Variants in BIRC6 observed in about 807,000 individuals in gnomAD.
BIRC6 encodes the protein baculoviral IAP repeat containing 6.
A neutral mutation model predicts 503.3 loss-of-function variants in BIRC6; 98 were observed. The observed-to-expected ratio is 0.19, with a 90% confidence interval of 0.17 to 0.23. The LOEUF is 0.23. Ranked by LOEUF, BIRC6 falls within the 10% of genes least tolerant of loss-of-function variation. The probability of loss-of-function intolerance (pLI) is 1.00; values close to 1 mark genes in which losing one functional copy is unlikely to be tolerated. For missense variants in BIRC6, 5,360 were observed against 5,806.0 expected (o/e 0.92, Z 2.50); for synonymous variants, 2,240 against 2,078.7 (o/e 1.08, Z -2.11).
chr2:32,460,253 T>TATAG (rs1400654235), intron 23 of BIRC6, among the ~76,000 whole-genome samples: 1 of 27,818 alleles, frequency 3.6e-5, no homozygotes, highest in Non-Finnish European at 7.3e-5. Context: ...ATGATATATA[T>TATAG]ATATATATAT....
At chr2:32,444,031 G>GTTTTTTTTTTTTTTTTTTTTTTTTTTTTT (rs776568064) in intron 20 of BIRC6, among the ~76,000 whole-genome samples, 1 of 136,884 alleles carries the variant, frequency 7.3e-6, no homozygotes, top group African/African-American at 2.8e-5. Context: ...GGGACCAGTG[G>GTTTTTTTTTTTTTTTTTTTTTTTTTTTTT]TTTTTTTTTT....
intron 36 of BIRC6, 144 bp downstream of exon 36, chr2:32,478,962 A>G: frequency 1.4e-6 from 1 of 734,140 alleles, no homozygotes; most frequent in Non-Finnish European, 2.2e-6. Context: ...GTGATGTTAT[A>G]GCAGTAGCAA....
At chr2:32,495,605 T>G (rs1189425945) in intron 45 of BIRC6, among the ~76,000 whole-genome samples, 1 of 152,192 alleles carries the variant, frequency 6.6e-6, no homozygotes, top group Admixed American at 6.5e-5. Flanking sequence ...AAGCAGAAGT[T>G]TTAAAATTCT....
intron 66 of BIRC6, among the ~76,000 whole-genome samples, chr2:32,582,839 T>C (rs2060773572): frequency 6.6e-6 from 1 of 152,218 alleles, no homozygotes; most frequent in Admixed American, 6.5e-5. Context: ...GATTTTCTTT[T>C]ATGTCTTGTA....
intron 61 of BIRC6, chr2:32,532,309 T>G: frequency 2.1e-6 from 1 of 471,374 alleles, no homozygotes; most frequent in Non-Finnish European, 4.4e-6. Context: ...AATCAAGATA[T>G]CAGCAGGGCC....
intron 65 of BIRC6, among the ~76,000 whole-genome samples, chr2:32,569,032 G>A (rs1211509946): frequency 1.4e-5 from 2 of 144,194 alleles, no homozygotes; most frequent in Admixed American, 7.2e-5. Flanking sequence ...TGCTCAGGCT[G>A]GAGTGCAAGT....
intron 3 of BIRC6, among the ~76,000 whole-genome samples, chr2:32,387,788 A>G (rs959499420): frequency 6.6e-6 from 1 of 152,208 alleles, no homozygotes; most frequent in Non-Finnish European, 1.5e-5. Flanking sequence ...GTACTGGATG[A>G]ATAGGAAAAA....
intron 57 of BIRC6, among the ~76,000 whole-genome samples, chr2:32,519,463 A>G (rs929638203): frequency 6.6e-6 from 1 of 152,140 alleles, no homozygotes; most frequent in Non-Finnish European, 1.5e-5. Context: ...CATATGGGAT[A>G]GTTTTTTAAA....
chr2:32,517,632 G>A (rs1292301112), intron 55 of BIRC6, among the ~76,000 whole-genome samples: 4 of 152,136 alleles, frequency 2.6e-5, no homozygotes, highest in African/African-American at 9.7e-5. Context: ...CTGTAGTGCA[G>A]TTGCACAATC....
At chr2:32,405,699 A>G (rs1292642965) in intron 8 of BIRC6, among the ~76,000 whole-genome samples, 1 of 152,186 alleles carries the variant, frequency 6.6e-6, no homozygotes, top group African/African-American at 2.4e-5. Context: ...AAAACAAAAT[A>G]CAGAACAAAA....
chr2:32,424,657 C>T (rs2043289381), intron 10 of BIRC6, among the ~76,000 whole-genome samples: 2 of 151,848 alleles, frequency 1.3e-5, no homozygotes, highest in South Asian at 2.1e-4. Context: ...TGGGATTAGG[C>T]ACGCACCACC....
At position 32,597,418 on chromosome 2, in the gene BIRC6, A is replaced by C. The variant is rs183605698; in HGVS notation, c.13613-333A>C. 1.4e-4 allele frequency among the ~76,000 whole-genome samples: 22 copies of C among 152,296 alleles called. No individual in the cohort carries two copies. The East Asian group carries it at 4.0e-3, about 28-fold the overall frequency. ...AATCATTTATTTAATGAAATCTTTG[A>C]GTTAATAGACCCTGTCCTCTATATG... On this transcript the variant is annotated intron_variant, in intron 68 of 73. Transcript: ENST00000421745.
chr2:32,370,879 C>T (rs1021947096), intron 1 of BIRC6, among the ~76,000 whole-genome samples: 6 of 152,002 alleles, frequency 3.9e-5, no homozygotes, highest in Non-Finnish European at 7.4e-5. Context: ...TGGAGTTTTA[C>T]AGTGTATTGT....
Position 32,357,446 on chromosome 2 carries a change from C to T in BIRC6, c.285C>T (p.Asp95=). The stretch of plus-strand genomic sequence containing the variant: ...GCCGCGGGACCATCAAAGTCATCGA[C>T]GGCACCTCGGGGGCCACACTGCAGG... The part of the protein sequence containing the change: ...VTSRGTIKVI[D]GTSGATLQAS... Residue 95 remains aspartate, a synonymous_variant, in exon 1 of 74, where the codon GAC becomes GAT. Transcript: ENST00000421745. This position sits in a 1 kb window ranked among gnomAD's most constrained non-coding sequence, Gnocchi z 4.9. 1 of 1,550,334 alleles carries T rather than the reference C, an allele frequency of 6.5e-7. No homozygotes were observed. Among genetic ancestry groups the T allele is most frequent in the Non-Finnish European group, 8.7e-7 (1 of 1,147,108 alleles).
chr2:32,587,074 A>G (rs546284134), intron 66 of BIRC6, among the ~76,000 whole-genome samples: 1 of 152,300 alleles, frequency 6.6e-6, no homozygotes, highest in African/African-American at 2.4e-5. Context: ...AGCTGGTTCT[A>G]ATATTTAGGA....
At chr2:32,514,870 A>T (rs2054857555) in intron 54 of BIRC6, 120 bp from the exon 55 acceptor site, 3 of 724,176 alleles carry the variant, frequency 4.1e-6, no homozygotes, top group Middle Eastern at 3.7e-4. Flanking sequence ...ATGTTTTATT[A>T]TTCAATGTCA....
chr2:32,374,566 A>G (rs1245906119), intron 1 of BIRC6, among the ~76,000 whole-genome samples: 2 of 147,950 alleles, frequency 1.4e-5, no homozygotes, highest in East Asian at 2.0e-4. Context: ...TCCGCCTCCC[A>G]GGTTCACGCC....
intron 5 of BIRC6, 76 bp from the exon 6 acceptor site, chr2:32,395,435 T>C (rs1296487245): frequency 5.9e-6 from 7 of 1,191,254 alleles, no homozygotes; most frequent in Admixed American, 4.2e-5. Context: ...TTATGAACTT[T>C]TAAAAATAAC....
chr2:32,415,738 A>C lies in BIRC6; in HGVS notation c.2447A>C (p.Glu816Ala). 6.2e-7 allele frequency: 1 copy of C among 1,613,832 alleles called. No individual in the cohort carries two copies. The highest frequency in any genetic ancestry group is 8.5e-7 in the Non-Finnish European group (1 of 1,179,838). ...DVQTPLIIQP[E>A]QRNVSGGYLV... ...CAGACTCCTTTAATAATTCAGCCTG[A>C]GCAGAGGAATGTTAGTGGTGGATAT... The change falls in exon 10 of 74, where the codon GAG becomes GCG. Residue 816 changes from glutamate (E) to alanine (A), a missense_variant. Physicochemically the swap from Glu to Ala is moderately radical, Grantham distance 107 (BLOSUM62 -1). This residue lies in a region of BIRC6 where 700 missense variants were observed against 739.3 expected (regional missense o/e 0.95). Coordinates refer to ENST00000421745, the MANE Select transcript of BIRC6 (RefSeq NM_016252.4).
Sources: gnomAD v4.1 joint callset for allele counts (sites outside exome capture counted in the v4.1 genomes callset) on GRCh38, gnomAD v4.1.1 for gene constraint, gnomAD v4.1.1 regional missense constraint, Gnocchi (gnomAD v3.1) non-coding constraint, MANE v1.5 for transcripts, NCBI Gene and HGNC (gene_info 2026-07-23, HGNC 2026-07-21) for gene names.